Variants in CCDC178 observed in about 807,000 individuals in gnomAD.
CCDC178 encodes coiled-coil domain containing 178.
CCDC178 carries 126 observed loss-of-function variants against 117.4 expected under a neutral mutation model. That is an observed-to-expected ratio of 1.07 (90% CI 0.93 to 1.24). CCDC178 has a LOEUF of 1.24. Among genes scored for constraint, CCDC178 ranks in the 50% most tolerant of loss-of-function variants. CCDC178 has a pLI of 0.00. For synonymous variants in CCDC178, 283 were observed against 313.4 expected (o/e 0.90, Z 1.02); for missense variants, 1,030 against 986.9 (o/e 1.04, Z -0.59).
chr18:33,326,865 T>G (rs2062591800), intron 10 of CCDC178, among the ~76,000 whole-genome samples: 1 of 152,046 alleles, frequency 6.6e-6, no homozygotes, highest in Non-Finnish European at 1.5e-5. Context: ...TAAAGAGGTA[T>G]AGCAGACTCC....
chr18:33,321,922 C>T (rs971943333), intron 11 of CCDC178, among the ~76,000 whole-genome samples: 10 of 151,492 alleles, frequency 6.6e-5, no homozygotes, highest in Admixed American at 2.0e-4. Flanking sequence ...AATATAAAAA[C>T]TTTAAATTAT....
chr18:33,185,076 A>C (rs1409930356), intron 20 of CCDC178, among the ~76,000 whole-genome samples: 1 of 152,028 alleles, frequency 6.6e-6, no homozygotes, highest in Non-Finnish European at 1.5e-5. Flanking sequence ...TAGCCATCTA[A>C]TATCTTTCAG....
At chr18:33,043,708 C>T (rs1267787609) in intron 21 of CCDC178, among the ~76,000 whole-genome samples, 3 of 151,764 alleles carry the variant, frequency 2.0e-5, no homozygotes, top group Non-Finnish European at 4.4e-5. Flanking sequence ...AGAAAAGGGG[C>T]CTGAGTTGTA....
intron 21 of CCDC178, among the ~76,000 whole-genome samples, chr18:32,985,312 A>G (rs929828946): frequency 1.3e-5 from 2 of 152,016 alleles, no homozygotes; most frequent in African/African-American, 4.8e-5. Flanking sequence ...AATACGCCAC[A>G]CAATCATGCA....
At chr18:33,181,664 C>G (rs1045843693) in intron 20 of CCDC178, among the ~76,000 whole-genome samples, 8 of 151,788 alleles carry the variant, frequency 5.3e-5, no homozygotes, top group Non-Finnish European at 8.8e-5. Flanking sequence ...ATCAGTGGTG[C>G]TTGACGGCTT....
chr18:33,118,662 G>A (rs985964615), intron 20 of CCDC178, among the ~76,000 whole-genome samples: 2 of 151,962 alleles, frequency 1.3e-5, no homozygotes, highest in African/African-American at 4.8e-5. Flanking sequence ...AAGCTACCAA[G>A]GACTTTCTTC....
chr18:33,145,206 C>A (rs1269723258), intron 20 of CCDC178, among the ~76,000 whole-genome samples: 4 of 152,182 alleles, frequency 2.6e-5, no homozygotes, highest in Admixed American at 6.5e-5. Flanking sequence ...ATAGTCTCTG[C>A]CACCTGGTTC....
At chr18:33,223,796 G>T (rs1241214185) in intron 17 of CCDC178, among the ~76,000 whole-genome samples, 1 of 152,042 alleles carries the variant, frequency 6.6e-6, no homozygotes, top group Non-Finnish European at 1.5e-5. Context: ...ATGTAAGGGG[G>T]AGCCATCATT....
intron 21 of CCDC178, among the ~76,000 whole-genome samples, chr18:33,081,281 T>C (rs2145033930): frequency 6.6e-6 from 1 of 152,346 alleles, no homozygotes; most frequent in East Asian, 1.9e-4. Context: ...CAGCATTATG[T>C]TGACTGTTTT....
At chr18:33,369,023 T>G (rs1421385790) in intron 6 of CCDC178, among the ~76,000 whole-genome samples, 1 of 151,884 alleles carries the variant, frequency 6.6e-6, no homozygotes, top group Non-Finnish European at 1.5e-5. Context: ...CAACAAATAT[T>G]AATTTCTGCT....
intron 3 of CCDC178, among the ~76,000 whole-genome samples, chr18:33,410,039 A>T (rs542703595): frequency 3.9e-5 from 6 of 152,204 alleles, no homozygotes; most frequent in African/African-American, 1.4e-4. Context: ...TATCTATTGC[A>T]TCAAATGATG....
intron 21 of CCDC178, among the ~76,000 whole-genome samples, chr18:32,977,364 T>C (rs757520703): frequency 6.6e-6 from 1 of 152,152 alleles, no homozygotes; most frequent in Non-Finnish European, 1.5e-5. Flanking sequence ...TCCGTAGACC[T>C]TTGCCACAGA....
chr18:33,275,659 GA>G (rs1377144382), intron 12 of CCDC178, among the ~76,000 whole-genome samples: 2 of 108,618 alleles, frequency 1.8e-5, no homozygotes, highest in African/African-American at 6.9e-5. Flanking sequence ...AAGGGGAGGG[GA>G]GGGGGGAGGG....
At chr18:32,996,992 A>G (rs1043033933) in intron 21 of CCDC178, among the ~76,000 whole-genome samples, 42 of 152,170 alleles carry the variant, frequency 2.8e-4, no homozygotes, top group Non-Finnish European at 1.5e-5. Flanking sequence ...AAAGAAAAAT[A>G]AAATAAAAAA....
intron 22 of CCDC178, among the ~76,000 whole-genome samples, chr18:32,939,322 G>GA (rs918038181): frequency 7.9e-4 from 114 of 143,624 alleles, no homozygotes; most frequent in East Asian, 1.6e-3. Context: ...GAACATAACT[G>GA]AAAAAAAAAA....
chr18:32,988,188 T>C (rs2055308602), intron 21 of CCDC178, among the ~76,000 whole-genome samples: 1 of 151,886 alleles, frequency 6.6e-6, no homozygotes, highest in South Asian at 2.1e-4. Context: ...TCCTAGCACT[T>C]TGGGAGACTG....
intron 21 of CCDC178, among the ~76,000 whole-genome samples, chr18:33,061,515 C>A (rs370130132): frequency 2.1e-4 from 32 of 152,108 alleles, no homozygotes; most frequent in African/African-American, 7.7e-4. Context: ...ATTTGAAATG[C>A]TTCCTGATAT....
chr18:33,298,203 T>A (rs1052263520), intron 11 of CCDC178, among the ~76,000 whole-genome samples: 15 of 152,112 alleles, frequency 9.9e-5, no homozygotes, highest in Non-Finnish European at 1.5e-5. Flanking sequence ...ATATATCTGA[T>A]GAACATAGAT....
chr18:32,998,955 G>A (rs1159743857), intron 21 of CCDC178, among the ~76,000 whole-genome samples: 1 of 152,080 alleles, frequency 6.6e-6, no homozygotes, highest in East Asian at 2.0e-4. Context: ...GAAAAGGAGA[G>A]GGAAGAGGAA....
Sources: allele counts gnomAD v4.1 joint callset (sites outside exome capture counted in the v4.1 genomes callset), GRCh38; gene constraint gnomAD v4.1.1; transcripts MANE v1.5; gene names NCBI Gene and HGNC (gene_info 2026-07-23, HGNC 2026-07-21).